Variants in DDX31 observed in about 807,000 individuals in gnomAD.
The protein encoded by DDX31 is ATP-dependent DNA helicase DDX31.
DDX31 carries 70 observed loss-of-function variants against 91.3 expected under a neutral mutation model. That is an observed-to-expected ratio of 0.77 (90% CI 0.63 to 0.94). The LOEUF is 0.94. Ranked by LOEUF, DDX31 falls within the 40% of genes least tolerant of loss-of-function variation. The pLI is 0.00. For synonymous variants in DDX31, 362 were observed against 350.6 expected (o/e 1.03, Z -0.36); for missense variants, 902 against 925.0 (o/e 0.98, Z 0.32).
intron 19 of DDX31, among the ~76,000 whole-genome samples, chr9:132,609,339 C>T (rs894999907): frequency 6.6e-6 from 1 of 152,180 alleles, no homozygotes; most frequent in African/African-American, 2.4e-5. Flanking sequence ...ACAGGGGTAT[C>T]GTGGTCTTGG....
intron 14 of DDX31, chr9:132,638,119 G>C: frequency 7.2e-7 from 1 of 1,379,406 alleles, no homozygotes; most frequent in Non-Finnish European, 9.4e-7. Flanking sequence ...GATGCCAAGG[G>C]ACAGTTGGCG....
At chr9:132,646,182 G>T in intron 12 of DDX31, 111 bp from the exon 13 acceptor site, 2 of 1,129,532 alleles carry the variant, frequency 1.8e-6, no homozygotes, top group Non-Finnish European at 2.5e-6. Context: ...GGAAATAAAG[G>T]TGACTATCTT....
intron 1 of DDX31, among the ~76,000 whole-genome samples, chr9:132,668,211 C>T (rs1251559233): frequency 1.3e-5 from 2 of 152,106 alleles, no homozygotes; most frequent in Non-Finnish European, 2.9e-5. Flanking sequence ...GTCCTGTAGT[C>T]CTCTTTTCTA....
At chr9:132,597,219 C>T (rs890047307) in intron 19 of DDX31, among the ~76,000 whole-genome samples, 4 of 152,156 alleles carry the variant, frequency 2.6e-5, no homozygotes, top group African/African-American at 9.7e-5. Flanking sequence ...TCATGGGTCA[C>T]CCGCCCAGTG....
intron 19 of DDX31, among the ~76,000 whole-genome samples, chr9:132,608,945 T>C (rs1831176103): frequency 1.3e-5 from 2 of 152,182 alleles, no homozygotes; most frequent in African/African-American, 4.8e-5. Flanking sequence ...ATACGGTCCA[T>C]GTGCAGATTA....
chr9:132,661,524 G>A (rs1192889735), intron 3 of DDX31, among the ~76,000 whole-genome samples: 2 of 152,048 alleles, frequency 1.3e-5, no homozygotes, highest in African/African-American at 2.4e-5. Context: ...GGATGCTGCT[G>A]AACATCCTAC....
intron 18 of DDX31, among the ~76,000 whole-genome samples, chr9:132,616,440 C>A (rs186457949): frequency 1.5e-4 from 23 of 152,326 alleles, no homozygotes; most frequent in Non-Finnish European, 3.4e-4. Context: ...AACTTCCACT[C>A]AGATGACCGA....
chr9:132,614,925 T>C (rs75458560), intron 18 of DDX31, among the ~76,000 whole-genome samples: 2,029 of 152,302 alleles, frequency 0.013, 38 homozygotes, highest in African/African-American at 0.046. Context: ...CATGTTTGGA[T>C]AATTCAGAGA....
At chr9:132,630,514 C>T in intron 15 of DDX31, 111 bp from the exon 16 acceptor site, 1 of 1,115,504 alleles carries the variant, frequency 9.0e-7, no homozygotes, top group Non-Finnish European at 1.2e-6. Context: ...AATCCTGGTG[C>T]TATGGTTACC....
At chr9:132,651,159 C>CTTT in intron 7 of DDX31, 43 bp from the exon 8 acceptor site, 171 of 1,252,532 alleles carry the variant, frequency 1.4e-4, no homozygotes, top group Admixed American at 2.6e-4. Flanking sequence ...CAGGATCCCC[C>CTTT]TTTTTTTTTT....
chr9:132,612,311 A>C, intron 18 of DDX31, 56 bp from the exon 19 acceptor site: 1 of 1,605,562 alleles, frequency 6.2e-7, no homozygotes, highest in East Asian at 2.2e-5. Flanking sequence ...TCCAAGCTCC[A>C]AAGTGCCCGG....
chr9:132,620,763 A>G (rs1396248786), intron 17 of DDX31, among the ~76,000 whole-genome samples: 1 of 152,190 alleles, frequency 6.6e-6, no homozygotes, highest in East Asian at 1.9e-4. Flanking sequence ...AGCCCCCGAC[A>G]GGTAAAATGC....
chr9:132,625,392 G>T (rs1247141628), intron 17 of DDX31, among the ~76,000 whole-genome samples: 1 of 152,036 alleles, frequency 6.6e-6, no homozygotes, highest in African/African-American at 2.4e-5. Context: ...ACTCATTCTG[G>T]CCTGGACCTC....
At chr9:132,631,634 T>C (rs1052892792) in intron 15 of DDX31, among the ~76,000 whole-genome samples, 1 of 152,236 alleles carries the variant, frequency 6.6e-6, no homozygotes, top group African/African-American at 2.4e-5. Flanking sequence ...ATGTGTAAGA[T>C]GCTGTCAGGA....
In DDX31 at chr9:132,618,421, G is replaced by C; in HGVS notation, c.1734C>G (p.Pro578=). 6.2e-7 allele frequency: 1 copy of C among 1,611,506 alleles called. No homozygotes were observed. Among genetic ancestry groups the C allele is most frequent in the Non-Finnish European group, 8.5e-7 (1 of 1,178,948 alleles). The stretch of plus-strand genomic sequence containing the variant: ...CTGTGGCTCGCTCTCGGATTTCCTG[G>C]GGGCCAACAGCATGGGATTTCTGAG... The part of the protein sequence containing the change: ...WGAQKSHAVG[P]QEIRERATVL... Residue 578 remains proline, a synonymous_variant, in exon 18 of 20, where the codon CCC becomes CCG. Coordinates refer to ENST00000372159, the MANE Select transcript of DDX31 (RefSeq NM_022779.9).
chr9:132,669,826 G>A, intron 1 of DDX31, 34 bp downstream of exon 1: 2 of 1,545,610 alleles, frequency 1.3e-6, no homozygotes. Context: ...CGGGCCGCGG[G>A]TGGGGACGGA....
Position 132,669,908 on chromosome 9 carries a change from G to A in DDX31, c.27C>T (p.Phe9=). The A allele has an allele frequency of 1.3e-6, 2 of 1,597,036 alleles. No individual in the cohort carries two copies. The highest frequency in any genetic ancestry group is 1.7e-6 in the Non-Finnish European group (2 of 1,172,814). ...GTCTGGAGAACGTCCTGGGGTTGTCGAAGAGCGAACCGTCGGCGGCTGCCA... is the reference window on the plus strand; with the variant it reads ...GTCTGGAGAACGTCCTGGGGTTGTCAAAGAGCGAACCGTCGGCGGCTGCCA... MAAADGSL[F]DNPRTFSRRP... Residue 9 remains phenylalanine, a synonymous_variant, in exon 1 of 20, where the codon TTC becomes TTT. Transcript: ENST00000372159.
chr9:132,659,421 G>A lies in DDX31; in HGVS notation c.523+289C>T, dbSNP rs139601252. Among the ~76,000 whole-genome samples, 54 of 152,328 alleles carry A rather than the reference G, an allele frequency of 3.5e-4. 1 individual carries two copies. In the East Asian group the frequency reaches 0.01, roughly 29 times the overall value. The stretch of plus-strand genomic sequence containing the variant: ...GAAGACATTCATTCTCCACTAGAGT[G>A]AGAATGGGCAACTGTGGCCACCACA... On this transcript the variant is annotated intron_variant, in intron 5 of 19. Transcript: ENST00000372159.
chr9:132,600,140 G>A (rs932794045), intron 19 of DDX31, among the ~76,000 whole-genome samples: 1 of 152,244 alleles, frequency 6.6e-6, no homozygotes, highest in African/African-American at 2.4e-5. Context: ...ACCTTGGCAT[G>A]GGCCAACCCA....
Sources: allele counts gnomAD v4.1 joint callset (sites outside exome capture counted in the v4.1 genomes callset), GRCh38; gene constraint gnomAD v4.1.1; transcripts MANE v1.5; gene names NCBI Gene and HGNC (gene_info 2026-07-23, HGNC 2026-07-21).